BARX2: variants seen among roughly 807,000 people sequenced by gnomAD.
The protein encoded by BARX2 is BARX homeobox 2.
Under a neutral mutation model 25.5 loss-of-function variants are expected in BARX2, and 11 were observed. The observed-to-expected ratio is 0.43, with a 90% CI of 0.27 to 0.71. The LOEUF (loss-of-function observed/expected upper bound fraction) is 0.71. Among genes scored for constraint, BARX2 ranks in the 30% least tolerant of loss-of-function variants. The pLI is 0.19. For missense variants in BARX2, 360 were observed against 359.9 expected, an observed-to-expected ratio of 1.00 and a Z score of 0.00; for synonymous variants, 137 against 149.5, an observed-to-expected ratio of 0.92 and a Z score of 0.61.
At chr11:129,397,140 C>T (rs1256334230) in intron 1 of BARX2, among the ~76,000 whole-genome samples, 2 of 151,922 alleles carry the variant, frequency 1.3e-5, no homozygotes, top group Admixed American at 6.6e-5. Context: ...AAAAGTTAGC[C>T]GGGCGTGGTG....
intron 1 of BARX2, among the ~76,000 whole-genome samples, chr11:129,381,058 A>C (rs922682191): frequency 6.6e-5 from 10 of 152,174 alleles, no homozygotes; most frequent in African/African-American, 2.4e-4. Context: ...TATAGGCATG[A>C]GCCATCGCGC....
At chr11:129,445,695 GAAAAT>G (rs1862318124) in intron 3 of BARX2, among the ~76,000 whole-genome samples, 1 of 152,134 alleles carries the variant, frequency 6.6e-6, no homozygotes, top group Admixed American at 6.5e-5. Context: ...CTGTCCACCA[GAAAAT>G]AAAATTATAA....
At position 129,409,806 on chromosome 11, in the gene BARX2, A is replaced by G. The variant is rs868317652; in HGVS notation, c.188-26945A>G. On this transcript the variant is annotated intron_variant, in intron 1 of 3. Coordinates refer to ENST00000281437, the MANE Select transcript of BARX2 (RefSeq NM_003658.5). ...TTTTCATTCATTGTTAAGATGGCCA[A>G]TTCATCTTATTCACCTGCAGTTAAG... Among the ~76,000 whole-genome samples the G allele has an allele frequency of 2.0e-4, 31 of 152,268 alleles. No homozygotes were observed. In the Middle Eastern group the frequency reaches 0.01, roughly 50 times the overall value.
intron 1 of BARX2, among the ~76,000 whole-genome samples, chr11:129,387,739 T>G (rs1271881554): frequency 6.6e-6 from 1 of 152,120 alleles, no homozygotes; most frequent in Non-Finnish European, 1.5e-5. Flanking sequence ...TACTGGGAGA[T>G]TGGGCCTTTG....
chr11:129,437,173 A>C (rs1330391235), intron 2 of BARX2, 122 bp downstream of exon 2: 1 of 1,105,838 alleles, frequency 9.0e-7, no homozygotes, highest in South Asian at 2.5e-5. Flanking sequence ...GGCGGAGTCC[A>C]CTCCTTGGCT....
intron 3 of BARX2, among the ~76,000 whole-genome samples, chr11:129,445,772 G>A (rs139648694): frequency 5.6e-4 from 86 of 152,248 alleles, no homozygotes; most frequent in African/African-American, 1.4e-3. Flanking sequence ...TTCACGGAGC[G>A]GTCAGGGCAG....
At chr11:129,434,412 A>G (rs1862164208) in intron 1 of BARX2, among the ~76,000 whole-genome samples, 1 of 115,318 alleles carries the variant, frequency 8.7e-6, no homozygotes. Flanking sequence ...AAAAAAAAAA[A>G]AAAGTAAGTA....
intron 1 of BARX2, among the ~76,000 whole-genome samples, chr11:129,400,398 C>A (rs567757608): frequency 5.9e-5 from 9 of 152,182 alleles, no homozygotes; most frequent in African/African-American, 2.2e-4. Context: ...GATGAGAAAA[C>A]CTAAGCTGAA....
At chr11:129,431,165 T>C (rs1394948960) in intron 1 of BARX2, among the ~76,000 whole-genome samples, 2 of 152,192 alleles carry the variant, frequency 1.3e-5, no homozygotes. Flanking sequence ...TGAGTAGTAT[T>C]TCGTTGTGTG....
At chr11:129,382,793 G>A (rs770700496) in intron 1 of BARX2, among the ~76,000 whole-genome samples, 10 of 152,088 alleles carry the variant, frequency 6.6e-5, no homozygotes, top group African/African-American at 1.4e-4. Context: ...CCTTTTCCCC[G>A]AGAACTTGCT....
At chr11:129,405,796 T>C (rs1323409425) in intron 1 of BARX2, among the ~76,000 whole-genome samples, 1 of 152,262 alleles carries the variant, frequency 6.6e-6, no homozygotes, top group African/African-American at 2.4e-5. Flanking sequence ...TCTGTTGCGA[T>C]GTCCCCTCTG....
chr11:129,416,355 G>A (rs1337117768), intron 1 of BARX2, among the ~76,000 whole-genome samples: 4 of 152,196 alleles, frequency 2.6e-5, no homozygotes, highest in African/African-American at 7.2e-5. Flanking sequence ...CAAAATGTTA[G>A]TGTGTTGAGA....
chr11:129,412,926 G>A (rs1182738499), intron 1 of BARX2, among the ~76,000 whole-genome samples: 1 of 152,134 alleles, frequency 6.6e-6, no homozygotes, highest in African/African-American at 2.4e-5. Flanking sequence ...TTCTATTTTA[G>A]GTAGAGGAAA....
intron 2 of BARX2, chr11:129,437,610 G>C (rs963555362): frequency 6.3e-5 from 45 of 718,600 alleles, no homozygotes; most frequent in Non-Finnish European, 7.7e-5. Context: ...ACCTGGCTGA[G>C]AGCCCCTTCT....
intron 1 of BARX2, among the ~76,000 whole-genome samples, chr11:129,406,830 G>A (rs1001873188): frequency 6.6e-6 from 1 of 152,178 alleles, no homozygotes; most frequent in Non-Finnish European, 1.5e-5. Flanking sequence ...CAGAATGGGA[G>A]CAAAGGGACC....
Position 129,441,206 on chromosome 11 carries a change from C to A in BARX2, c.489-1629C>A, listed in dbSNP as rs868333074. Among the ~76,000 whole-genome samples, 4 of 152,262 alleles carry A rather than the reference C, an allele frequency of 2.6e-5. No individual in the cohort carries two copies. The South Asian group carries it at 6.2e-4, about 24-fold the overall frequency. ...TGGGATGAAGCATCCCTGCGATCCC[C>A]TTTGACAGGTTCAACTTGTGCAGAT... On this transcript the variant is annotated intron_variant, in intron 2 of 3. Coordinates refer to ENST00000281437, the MANE Select transcript of BARX2 (RefSeq NM_003658.5).
At chr11:129,410,600 C>T (rs1021782319) in intron 1 of BARX2, among the ~76,000 whole-genome samples, 3 of 152,060 alleles carry the variant, frequency 2.0e-5, no homozygotes, top group African/African-American at 4.8e-5. Flanking sequence ...ATGTGCACAC[C>T]CTGTGGGCCA....
chr11:129,388,393 C>T (rs80075684), intron 1 of BARX2, among the ~76,000 whole-genome samples: 3,738 of 152,112 alleles, frequency 0.025, 99 homozygotes, highest in East Asian at 0.14. Flanking sequence ...GGTCTGTGTC[C>T]GTGTCTGTGT....
chr11:129,381,725 T>C (rs1861565901), intron 1 of BARX2, among the ~76,000 whole-genome samples: 1 of 152,186 alleles, frequency 6.6e-6, no homozygotes, highest in African/African-American at 2.4e-5. Flanking sequence ...AAATGTAACA[T>C]ATCCCAAAAA....
Sources: allele counts gnomAD v4.1 joint callset (sites outside exome capture counted in the v4.1 genomes callset), GRCh38; gene constraint gnomAD v4.1.1; transcripts MANE v1.5; gene names NCBI Gene and HGNC (gene_info 2026-07-23, HGNC 2026-07-21).